The following NCKAP5 variants were observed in gnomAD, a reference collection of about 807,000 sequenced individuals.
NCKAP5 encodes the protein NCK associated protein 5.
Under a neutral mutation model 167.0 loss-of-function variants are expected in NCKAP5, and 92 were observed. The observed-to-expected ratio is 0.55, with a 90% CI of 0.47 to 0.66. NCKAP5 has a LOEUF of 0.66. NCKAP5 is among the 30% of genes least tolerant of loss of function. The pLI is 0.00. For missense variants in NCKAP5, 2,378 were observed against 2,315.0 expected, an observed-to-expected ratio of 1.03 and a Z score of -0.56; for synonymous variants, 891 against 877.4, an observed-to-expected ratio of 1.02 and a Z score of -0.27.
intron 3 of NCKAP5, among the ~76,000 whole-genome samples, chr2:133,407,730 C>T (rs1688528492): frequency 6.6e-6 from 1 of 152,110 alleles, no homozygotes. Context: ...AACATTACAA[C>T]AAAAACACGA....
Position 133,092,536 on chromosome 2 carries a change from T to G in NCKAP5, c.341+37442A>C, listed in dbSNP as rs551838631. On this transcript the variant is annotated intron_variant, in intron 6 of 19. Transcript: ENST00000409261. ...CCTAAGTTAACATTTCAATAGGTTC[T>G]TGGAAACTGCAACTTTAAGTGAAAC... Among the ~76,000 whole-genome samples the G allele has an allele frequency of 3.2e-4, 49 of 152,342 alleles. No individual in the cohort carries two copies. In the South Asian group the frequency reaches 4.1e-3, roughly 13 times the overall value.
chr2:132,753,775 C>A (rs1020322944), intron 16 of NCKAP5, among the ~76,000 whole-genome samples: 11 of 152,180 alleles, frequency 7.2e-5, no homozygotes, highest in African/African-American at 2.7e-4. Context: ...GGCTCTGGAT[C>A]CTGGGAGATT....
chr2:132,875,955 T>A (rs1263323217), intron 9 of NCKAP5, among the ~76,000 whole-genome samples: 1 of 152,184 alleles, frequency 6.6e-6, no homozygotes. Context: ...TATCTAGGAA[T>A]GTGAGTCTGT....
chr2:133,427,599 C>A (rs1007219668), intron 3 of NCKAP5, among the ~76,000 whole-genome samples: 2 of 152,040 alleles, frequency 1.3e-5, no homozygotes, highest in Non-Finnish European at 2.9e-5. Context: ...AAAAGAAATT[C>A]TAATTTCAGT....
At chr2:133,475,169 C>A (rs1008491034) in intron 3 of NCKAP5, among the ~76,000 whole-genome samples, 2 of 152,144 alleles carry the variant, frequency 1.3e-5, no homozygotes, top group African/African-American at 4.8e-5. Context: ...TGGATTTCAA[C>A]AAATGTAAAA....
intron 3 of NCKAP5, among the ~76,000 whole-genome samples, chr2:133,390,278 C>T (rs1014031160): frequency 6.6e-6 from 1 of 152,186 alleles, no homozygotes; most frequent in Admixed American, 6.5e-5. Flanking sequence ...TTCTATTTTA[C>T]AACCGGAAAC....
chr2:133,394,804 C>A (rs540076762), intron 3 of NCKAP5, among the ~76,000 whole-genome samples: 2 of 152,128 alleles, frequency 1.3e-5, no homozygotes, highest in Admixed American at 6.5e-5. Flanking sequence ...TGTCCTTGGC[C>A]TTAAAGACAG....
chr2:133,329,082 C>A (rs1369781379), intron 3 of NCKAP5, among the ~76,000 whole-genome samples: 9 of 152,208 alleles, frequency 5.9e-5, no homozygotes, highest in Non-Finnish European at 1.5e-5. Context: ...GCCGTTAATA[C>A]TTCTCTATTA....
chr2:133,164,926 C>T (rs985404289), intron 5 of NCKAP5, among the ~76,000 whole-genome samples: 1 of 152,216 alleles, frequency 6.6e-6, no homozygotes, highest in Non-Finnish European at 1.5e-5. Context: ...TATCAACATG[C>T]CTGGCTTTGT....
chr2:132,917,657 A>G (rs575782654), intron 8 of NCKAP5, among the ~76,000 whole-genome samples: 1 of 152,274 alleles, frequency 6.6e-6, no homozygotes, highest in East Asian at 1.9e-4. Flanking sequence ...GGCTGCAGAG[A>G]TGGGAAAACA....
chr2:132,904,956 A>C (rs776556707), intron 8 of NCKAP5, among the ~76,000 whole-genome samples: 1 of 152,176 alleles, frequency 6.6e-6, no homozygotes, highest in Non-Finnish European at 1.5e-5. Context: ...TGTTCATAGC[A>C]TTTAAATGTT....
chr2:133,394,640 T>C (rs1444856270), intron 3 of NCKAP5, among the ~76,000 whole-genome samples: 1 of 152,204 alleles, frequency 6.6e-6, no homozygotes, highest in African/African-American at 2.4e-5. Context: ...AATGAATGAA[T>C]GAATCAATAC....
chr2:132,768,567 A>G lies in NCKAP5; in HGVS notation c.5128+5249T>C, dbSNP rs189885521. Among the ~76,000 whole-genome samples, 7 of 152,260 alleles carry G rather than the reference A, an allele frequency of 4.6e-5. No individual in the cohort carries two copies. In the East Asian group the frequency reaches 1.3e-3, roughly 29 times the overall value. On this transcript the variant is annotated intron_variant, in intron 16 of 19. Coordinates refer to ENST00000409261, the MANE Select transcript of NCKAP5 (RefSeq NM_207363.3). ...TATGGGGGCAATTTTAAAGAAAAAA[A>G]TGCAGTTGCTTTATTTTACTTAAGC...
chr2:132,781,026 T>C (rs369231524), intron 15 of NCKAP5, 26 bp downstream of exon 15: 38 of 1,608,058 alleles, frequency 2.4e-5, no homozygotes, highest in Non-Finnish European at 3.2e-5. Context: ...TTGTAGCACT[T>C]GATACCAGGA....
chr2:133,382,908 C>T (rs912860225), intron 3 of NCKAP5, among the ~76,000 whole-genome samples: 2 of 152,038 alleles, frequency 1.3e-5, no homozygotes, highest in Non-Finnish European at 2.9e-5. Flanking sequence ...CCAAAGGCAA[C>T]ACACAGTAGA....
chr2:133,294,944 C>G (rs573948740), intron 4 of NCKAP5, among the ~76,000 whole-genome samples: 2 of 152,204 alleles, frequency 1.3e-5, no homozygotes, highest in African/African-American at 4.8e-5. Flanking sequence ...TTTTACTCCC[C>G]CTGGTGATGT....
Position 132,783,510 on chromosome 2 carries a change from TG to T in NCKAP5, c.3300del (p.Lys1101SerfsTer5). On this transcript the variant is annotated frameshift_variant, in exon 14 of 20. Coordinates refer to ENST00000409261, the MANE Select transcript of NCKAP5 (RefSeq NM_207363.3). LOFTEE classifies it high-confidence loss of function. ...GQLNDSASTP[P>X]KPSFLGVNES... ...TCATTTACCCCTAAGAAGGAAGGCT[TG>T]GGGGGTGTGGAGGCGCTATCATTCA... 1 of 1,612,030 alleles carries T rather than the reference TG, an allele frequency of 6.2e-7. No individual in the cohort carries two copies.
chr2:133,070,212 A>C (rs979820551), intron 6 of NCKAP5, among the ~76,000 whole-genome samples: 1 of 152,190 alleles, frequency 6.6e-6, no homozygotes. Context: ...TTAATGAAAA[A>C]TAGTATTAGA....
intron 4 of NCKAP5, among the ~76,000 whole-genome samples, chr2:133,275,725 C>T (rs1236765018): frequency 6.7e-6 from 1 of 148,760 alleles, no homozygotes; most frequent in Non-Finnish European, 1.5e-5. Flanking sequence ...AGCTCAAAGG[C>T]ACAAAAGGAA....
Sources: gnomAD v4.1 joint callset for allele counts (sites outside exome capture counted in the v4.1 genomes callset) on GRCh38, gnomAD v4.1.1 for gene constraint, MANE v1.5 for transcripts, NCBI Gene and HGNC (gene_info 2026-07-23, HGNC 2026-07-21) for gene names.